Variants in RPS24 observed in about 807,000 individuals in gnomAD.
The protein encoded by RPS24 is small ribosomal subunit protein eS24.
For synonymous variants in RPS24, 72 were observed against 55.6 expected (o/e 1.30, Z -1.31); for missense variants, 100 against 162.5 (o/e 0.62, Z 2.09).
chr10:78,039,127 T>C (rs1346319029), intron 4 of RPS24: 1 of 152,192 alleles, frequency 6.6e-6, no homozygotes, highest in Non-Finnish European at 1.5e-5. Flanking sequence ...TGTAATCACA[T>C]TGATGTCCCA....
chr10:78,044,048 C>G (rs575417892), downstream of RPS24, among the ~76,000 whole-genome samples: 1 of 152,252 alleles, frequency 6.6e-6, no homozygotes, highest in South Asian at 2.1e-4. Context: ...ATGCAGCCTA[C>G]TACAGTATAA....
At chr10:78,034,032 A>G in intron 1 of RPS24, 128 bp downstream of exon 1, 2 of 1,234,856 alleles carry the variant, frequency 1.6e-6, no homozygotes, top group Non-Finnish European at 1.2e-6. Flanking sequence ...CTGTCAGAGG[A>G]TGGTTGTCGA....
Position 78,035,355 on chromosome 10 carries a change from G to A in RPS24, c.7G>A (p.Asp3Asn), listed in dbSNP as rs772167568. 3.1e-6 allele frequency: 5 copies of A among 1,614,002 alleles called. No individual in the cohort carries two copies. Among genetic ancestry groups the A allele is most frequent in the Non-Finnish European group, 4.2e-6 (5 of 1,179,912 alleles). ...ACCAGAGTGTTTATGTTTTCAGAAC[G>A]ACACCGTAACTATCCGCACTAGAAA... is the stretch of plus-strand genomic sequence containing the variant. MN[D>N]TVTIRTRKFM... is the part of the protein sequence containing the mutation. Residue 3 changes from aspartate (D) to asparagine (N), a missense_variant, in exon 2 of 6, where the codon GAC becomes AAC. By Grantham distance (23) the Asp-to-Asn change is conservative. Transcript: ENST00000372360.
chr10:78,050,589 T>C (rs184705107), intron 4 of RPS24, among the ~76,000 whole-genome samples: 2 of 152,336 alleles, frequency 1.3e-5, no homozygotes, highest in African/African-American at 4.8e-5. Context: ...TGCAGAGTGG[T>C]GCAACCACCA....
Position 78,033,917 on chromosome 10 carries a change from G to C in RPS24, c.3+13G>C, listed in dbSNP as rs753516501. On this transcript the variant is annotated intron_variant, in intron 1 of 5. Transcript: ENST00000372360. ...GATCGCCATCATGGTGAGTCTCCCTGGGCCCGTGCAGTCATCTGCCGCGTA... is the reference window on the plus strand; with the variant it reads ...GATCGCCATCATGGTGAGTCTCCCTCGGCCCGTGCAGTCATCTGCCGCGTA... 1.2e-6 allele frequency: 2 copies of C among 1,614,014 alleles called. No homozygotes were observed. Among genetic ancestry groups the C allele is most frequent in the Non-Finnish European group, 8.5e-7 (1 of 1,179,918 alleles).
rs1462021661 is a variant in RPS24 at position 78,045,731 on chromosome 10, G to A, written c.390+8427G>A. Among the ~76,000 whole-genome samples, 3 of 152,102 alleles carry A rather than the reference G, an allele frequency of 2.0e-5. No individual in the cohort carries two copies. The East Asian group carries it at 5.8e-4, about 29-fold the overall frequency. Reference sequence around the variant, plus strand: ...TTAAAAATACAAATGCTGGCTGGGTGTGGTGGCTTATACCTGTAATCCCGG... The same window carrying A: ...TTAAAAATACAAATGCTGGCTGGGTATGGTGGCTTATACCTGTAATCCCGG... On this transcript the variant is annotated intron_variant, in intron 4 of 4. Coordinates refer to the RPS24 transcript ENST00000440692.
chr10:78,043,222 C>G (rs187151139), downstream of RPS24, among the ~76,000 whole-genome samples: 18 of 152,268 alleles, frequency 1.2e-4, no homozygotes, highest in African/African-American at 4.1e-4. Flanking sequence ...CCAGGATGGT[C>G]TCGATCTCCT....
exon 5 of RPS24, chr10:78,054,784 T>C (rs1244402880): frequency 6.4e-6 from 10 of 1,551,654 alleles, no homozygotes; most frequent in South Asian, 2.4e-5. Flanking sequence ...GAGAGGGCAC[T>C]GGTCAGAAAC....
chr10:78,046,575 G>T (rs1208332003), intron 4 of RPS24, among the ~76,000 whole-genome samples: 1 of 151,882 alleles, frequency 6.6e-6, no homozygotes, highest in Non-Finnish European at 1.5e-5. Flanking sequence ...GGCTGGTCTT[G>T]AACTCCAGAC....
chr10:78,043,961 C>CCCTTCCTCTCCCTT (rs10644861), downstream of RPS24, among the ~76,000 whole-genome samples: 3 of 151,906 alleles, frequency 2.0e-5, no homozygotes, highest in South Asian at 6.2e-4. Flanking sequence ...TCATTTACCT[C>CCCTTCCTCTCCCTT]CCTCTCCCTT....
At chr10:78,040,560 C>CT in intron 5 of RPS24, 55 bp from the exon 6 acceptor site, 3 of 1,347,226 alleles carry the variant, frequency 2.2e-6, no homozygotes, top group Non-Finnish European at 3.2e-6. Context: ...GAATTGAAGA[C>CT]TTTAAAGAAT....
At chr10:78,050,071 C>A (rs1031527725) in intron 4 of RPS24, among the ~76,000 whole-genome samples, 2 of 152,160 alleles carry the variant, frequency 1.3e-5, no homozygotes, top group African/African-American at 4.8e-5. Flanking sequence ...CTGGCAGCCT[C>A]CCTGGATTTG....
At chr10:78,037,133 G>A in intron 3 of RPS24, 61 bp from the exon 4 acceptor site, 1 of 1,554,512 alleles carries the variant, frequency 6.4e-7, no homozygotes. Context: ...TTCCCTACCA[G>A]AGTGGTGGGT....
intron 4 of RPS24, among the ~76,000 whole-genome samples, chr10:78,051,020 G>C (rs1233895749): frequency 6.6e-6 from 1 of 152,130 alleles, no homozygotes; most frequent in Non-Finnish European, 1.5e-5. Context: ...GCAAAACCCT[G>C]TCTCTACTAA....
At position 78,037,211 on chromosome 10, in the gene RPS24, G is replaced by C. The variant is rs1020277168; in HGVS notation, c.297G>C (p.Lys99Asn). 3.1e-6 allele frequency: 5 copies of C among 1,604,684 alleles called. No individual in the cohort carries two copies. Among genetic ancestry groups the C allele is most frequent in the Non-Finnish European group, 4.3e-6 (5 of 1,175,976 alleles). ...TCATTCAGCATGGCCTGTATGAGAAGAAAAAGACCTCAAGAAAGCAACGAA... is the reference window on the plus strand; with the variant it reads ...TCATTCAGCATGGCCTGTATGAGAACAAAAAGACCTCAAGAAAGCAACGAA... ...HRLARHGLYE[K>N]KKTSRKQRKE... Residue 99 changes from lysine (K) to asparagine (N), a missense_variant, in exon 4 of 6, where the codon AAG (lysine) becomes AAC (asparagine). Transcript: ENST00000372360.
chr10:78,048,554 C>T (rs1346032799), intron 4 of RPS24, among the ~76,000 whole-genome samples: 1 of 152,060 alleles, frequency 6.6e-6, no homozygotes, highest in Non-Finnish European at 1.5e-5. Flanking sequence ...TGGCTCCCAC[C>T]GTCGATGATG....
exon 5 of RPS24, chr10:78,054,568 G>T: frequency 6.5e-7 from 1 of 1,547,650 alleles, no homozygotes; most frequent in Non-Finnish European, 8.7e-7. Flanking sequence ...GCATTGGGAA[G>T]AATTTCCCAG....
intron 3 of RPS24, chr10:78,036,058 AAACCC>A (rs2131977556): frequency 2.7e-6 from 1 of 367,348 alleles, no homozygotes; most frequent in Middle Eastern, 9.2e-4. Context: ...ATCTGGGCTT[AAACCC>A]ATAGGTAGTC....
At chr10:78,053,772 C>T (rs1848123959) in intron 4 of RPS24, among the ~76,000 whole-genome samples, 1 of 152,110 alleles carries the variant, frequency 6.6e-6, no homozygotes, top group Admixed American at 6.6e-5. Flanking sequence ...GCAGGAAGCT[C>T]CTGTGTTGGG....
Sources: gnomAD v4.1 joint callset for allele counts (sites outside exome capture counted in the v4.1 genomes callset) on GRCh38, gnomAD v4.1.1 for gene constraint, MANE v1.5 for transcripts, NCBI Gene and HGNC (gene_info 2026-07-23, HGNC 2026-07-21) for gene names.